The following DYNC1H1 variants were observed in gnomAD, a reference collection of about 807,000 sequenced individuals.
DYNC1H1 encodes dynein cytoplasmic 1 heavy chain 1.
In DYNC1H1, 51 loss-of-function variants were observed where a neutral mutation model predicts 527.1. The ratio of observed to expected loss-of-function variants is 0.10; its 90% confidence interval spans 0.08 to 0.12. The LOEUF (loss-of-function observed/expected upper bound fraction) is 0.12. DYNC1H1 is among the 10% of genes least tolerant of loss of function. DYNC1H1 has a pLI of 1.00. For missense variants in DYNC1H1, 2,771 were observed against 5,971.8 expected, an observed-to-expected ratio of 0.46 and a Z score of 17.66; for synonymous variants, 2,189 against 2,278.8, an observed-to-expected ratio of 0.96 and a Z score of 1.12.
chr14:101,971,374 G>A (rs865829527), intron 1 of DYNC1H1, among the ~76,000 whole-genome samples: 2 of 152,020 alleles, frequency 1.3e-5, no homozygotes, highest in East Asian at 2.0e-4. Flanking sequence ...GGGCCCAGTC[G>A]AGGGTGGTAT....
intron 57 of DYNC1H1, chr14:102,037,331 G>A (rs1288670931): frequency 6.6e-6 from 1 of 151,528 alleles, no homozygotes; most frequent in East Asian, 1.9e-4. Flanking sequence ...GGCTGAGGCA[G>A]GAAAATTGCT....
chr14:102,049,416 G>A lies in DYNC1H1; in HGVS notation c.13373-24G>A, dbSNP rs1220122799. 3 of 1,613,454 alleles carry A rather than the reference G, an allele frequency of 1.9e-6. No individual in the cohort carries two copies. The highest frequency in any genetic ancestry group is 2.7e-5 in the African/African-American group (2 of 74,918). ...GGGGAGTTGTGAGAGCTGACACCCT[G>A]GGCTCTGTGTGCCTTGGCTGCAGGG... On this transcript the variant is annotated intron_variant, in intron 74 of 77. Transcript: ENST00000360184. The surrounding 1 kb of genome is among the most constrained non-coding windows in gnomAD (Gnocchi z 5.5).
At position 101,964,686 on chromosome 14, in the gene DYNC1H1, G is replaced by A. The variant is rs2047641671; in HGVS notation, c.-6G>A. ...ATCGCTCCTGGAAGGTCCCGAGCGC[G>A]ACACCATGTCGGAGCCCGGGGGCGG... On this transcript the variant is annotated 5_prime_UTR_variant, in exon 1 of 78. Coordinates refer to ENST00000360184, the MANE Select transcript of DYNC1H1 (RefSeq NM_001376.5). This position sits in a 1 kb window ranked among gnomAD's most constrained non-coding sequence, Gnocchi z 5.5. The A allele has an allele frequency of 5.0e-6, 8 of 1,586,708 alleles. No homozygotes were observed. Among genetic ancestry groups the A allele is most frequent in the African/African-American group, 1.3e-5 (1 of 74,592 alleles).
At position 101,991,961 on chromosome 14, in the gene DYNC1H1, TA is replaced by T. The variant is rs2048003700; in HGVS notation, c.3015+289del. On this transcript the variant is annotated intron_variant, in intron 11 of 77. Transcript: ENST00000360184. Reference sequence around the variant, plus strand: ...CTCCTCCCCACCCCCCACTTTTTATTAGGGGAATTTTAAAACATACACAAAA... The same window carrying T: ...CTCCTCCCCACCCCCCACTTTTTATTGGGGAATTTTAAAACATACACAAAA... Among the ~76,000 whole-genome samples, 2 of 137,534 alleles carry T rather than the reference TA, an allele frequency of 1.5e-5. 1 individual carries two copies. Among genetic ancestry groups the T allele is most frequent in the South Asian group, 5.5e-4 (2 of 3,612 alleles). 90.2% of individuals were successfully genotyped at this position (137,534 alleles called of 152,430 possible). A position where few individuals can be genotyped will look rare whatever the true frequency, so the allele number is the denominator to read the frequency against.
At chr14:102,030,428 T>A in intron 51 of DYNC1H1, 146 bp downstream of exon 51, 1 of 1,205,912 alleles carries the variant, frequency 8.3e-7, no homozygotes, top group South Asian at 1.4e-5. Context: ...ATCTGAAGCT[T>A]TTTCTGAATG....
At chr14:102,014,998 ATTAAGT>A in intron 34 of DYNC1H1, 101 bp from the exon 35 acceptor site, 8 of 1,339,630 alleles carry the variant, frequency 6.0e-6, no homozygotes, top group Non-Finnish European at 8.4e-6. Context: ...GTATAGGAAA[ATTAAGT>A]TTAAAGTCAC....
In DYNC1H1 at chr14:102,027,641, A is replaced by G. The variant is rs768209680; in HGVS notation, c.9071A>G (p.Asp3024Gly). 2 of 1,614,032 alleles carry G rather than the reference A, an allele frequency of 1.2e-6. No individual in the cohort carries two copies. Among genetic ancestry groups the G allele is most frequent in the East Asian group, 4.5e-5 (2 of 44,864 alleles). The change falls in exon 47 of 78, where the codon GAC (aspartate) becomes GGC (glycine). Residue 3024 changes from aspartate (D) to glycine (G), a missense_variant. Asp to Gly is a moderately conservative substitution (Grantham distance 94). Transcript: ENST00000360184. The surrounding 1 kb of genome is among the most constrained non-coding windows in gnomAD (Gnocchi z 7.7). ...CAGGTGCCTGGTCTCTTTGAAGGAGACGAGTATGCCACCTTGATGACGCAG... is the reference window on the plus strand; with the variant it reads ...CAGGTGCCTGGTCTCTTTGAAGGAGGCGAGTATGCCACCTTGATGACGCAG... ...NGEVPGLFEG[D>G]EYATLMTQCK...
Position 102,027,116 on chromosome 14 carries a change from C to T in DYNC1H1, c.8772-58C>T, listed in dbSNP as rs2048459744. 2 of 1,559,100 alleles carry T rather than the reference C, an allele frequency of 1.3e-6. No individual in the cohort carries two copies. Among genetic ancestry groups the T allele is most frequent in the Middle Eastern group, 1.8e-4 (1 of 5,700 alleles). ...AATACTGTAGACACTAGATATGAGT[C>T]AAAAGGGGAATGAGGCATTATAAGC... On this transcript the variant is annotated intron_variant, in intron 44 of 77. Transcript: ENST00000360184. This position sits in a 1 kb window ranked among gnomAD's most constrained non-coding sequence, Gnocchi z 7.7.
chr14:102,048,797 G>C, intron 74 of DYNC1H1, 128 bp downstream of exon 74: 1 of 783,326 alleles, frequency 1.3e-6, no homozygotes, highest in Non-Finnish European at 1.9e-6. Flanking sequence ...GAGCAGCTCT[G>C]TGCTCTTACC....
intron 1 of DYNC1H1, among the ~76,000 whole-genome samples, chr14:101,975,119 A>C (rs1167451534): frequency 6.6e-6 from 1 of 152,186 alleles, no homozygotes; most frequent in African/African-American, 2.4e-5. Flanking sequence ...GGACTTCGGA[A>C]TCACAAACTT....
rs573184526 is a variant in DYNC1H1, at chr14:102,044,201, G to A, written c.12685-73G>A. On this transcript the variant is annotated intron_variant, in intron 70 of 77. Coordinates refer to ENST00000360184, the MANE Select transcript of DYNC1H1 (RefSeq NM_001376.5). The surrounding 1 kb of genome is among the most constrained non-coding windows in gnomAD (Gnocchi z 7.1). ...GCCATGGGGAGTGAGGAGGAAAGCTGTGCCCCTCGAAAGGAAGCCCCGGGC... is the reference window on the plus strand; with the variant it reads ...GCCATGGGGAGTGAGGAGGAAAGCTATGCCCCTCGAAAGGAAGCCCCGGGC... 1.2e-3 allele frequency: 1,969 copies of A among 1,595,144 alleles called. 4 individuals are homozygous for A. Among genetic ancestry groups the A allele is most frequent in the Admixed American group, 1.8e-3 (107 of 58,482 alleles).
Position 102,012,511 on chromosome 14 carries a change from T to A in DYNC1H1, c.7014+41T>A, listed in dbSNP as rs769522455. The A allele has an allele frequency of 1.2e-6, 2 of 1,613,916 alleles. No homozygotes were observed. Among genetic ancestry groups the A allele is most frequent in the Non-Finnish European group, 1.7e-6 (2 of 1,180,006 alleles). On this transcript the variant is annotated intron_variant, in intron 34 of 77. Coordinates refer to ENST00000360184, the MANE Select transcript of DYNC1H1 (RefSeq NM_001376.5). This position sits in a 1 kb window ranked among gnomAD's most constrained non-coding sequence, Gnocchi z 4.9. ...TATGTCGTCAACTGAATAATTCCTT[T>A]TGGCCAACTAAACTTCGTGTGCTAG...
At chr14:102,048,165 T>G in intron 73 of DYNC1H1, 137 bp downstream of exon 73, 1 of 1,171,742 alleles carries the variant, frequency 8.5e-7, no homozygotes, top group East Asian at 2.6e-5. Flanking sequence ...TCAGAGCAGG[T>G]GTCCAGCTGA....
chr14:102,017,494 C>T lies in DYNC1H1; in HGVS notation c.8167C>T (p.Leu2723Phe), dbSNP rs1364651047. The T allele has an allele frequency of 6.2e-7, 1 of 1,614,162 alleles. No individual in the cohort carries two copies. The highest frequency in any genetic ancestry group is 2.2e-5 in the East Asian group (1 of 44,882). ...CCCCACAGACCCTGGAAGAAAGCCC[C>T]TCTCACACAGGTAAAACAGCTCGGT... ...NPPTDPGRKP[L>F]SHRFLRHVPV... Residue 2723 changes from leucine (L) to phenylalanine (F), a missense_variant, in exon 40 of 78, where the codon CTC becomes TTC. Around this residue, in one of 32 missense-constraint regions of DYNC1H1, gnomAD observed 163 missense variants for 346.9 expected, o/e 0.47. Transcript: ENST00000360184. The surrounding 1 kb of genome is among the most constrained non-coding windows in gnomAD (Gnocchi z 4.6).
rs1230024384 is a variant in DYNC1H1, at chr14:101,986,430, G to A, written c.2205G>A (p.Leu735=). Residue 735 remains leucine (L), a synonymous_variant, in exon 8 of 78, where the codon CTG becomes CTA. Transcript: ENST00000360184. This position sits in a 1 kb window ranked among gnomAD's most constrained non-coding sequence, Gnocchi z 8.7. ...GCCGAACTGGAAATGTGCTTAAGCT[G>A]AAAGTTAACTTTCTTCCTGAGATTA... The part of the protein sequence containing the change: ...VRGRTGNVLK[L]KVNFLPEIIT... The A allele has an allele frequency of 6.2e-7, 1 of 1,614,050 alleles. No individual in the cohort carries two copies. The highest frequency in any genetic ancestry group is 8.5e-7 in the Non-Finnish European group (1 of 1,180,054).
chr14:102,027,985 G>T lies in DYNC1H1; in HGVS notation c.9312G>T (p.Gln3104His). 6.2e-7 allele frequency: 1 copy of T among 1,614,184 alleles called. No homozygotes were observed. Residue 3104 changes from glutamine (Q) to histidine (H), a missense_variant, in exon 48 of 78, where the codon CAG becomes CAT. Gln to His is a conservative substitution (Grantham distance 24). Coordinates refer to ENST00000360184, the MANE Select transcript of DYNC1H1 (RefSeq NM_001376.5). This position sits in a 1 kb window ranked among gnomAD's most constrained non-coding sequence, Gnocchi z 7.7. ...ACTGGTCCACCGAAGCACTGTATCA[G>T]GTTGGCAAAGAATTCACAAGTAAGA... Reference protein sequence around the residue: ...FGDWSTEALYQVGKEFTSKMD... With the variant: ...FGDWSTEALYHVGKEFTSKMD...
At chr14:102,035,165 G>C (rs1234868086) in intron 56 of DYNC1H1, 1 of 153,810 alleles carries the variant, frequency 6.5e-6, no homozygotes, top group African/African-American at 2.4e-5. Context: ...GGGAGGCAGA[G>C]GTTGCAGCAA....
chr14:102,024,612 A>G (rs1053406642), intron 43 of DYNC1H1, among the ~76,000 whole-genome samples: 9 of 151,086 alleles, frequency 6.0e-5, no homozygotes, highest in Admixed American at 2.6e-4. Flanking sequence ...AGAATTTTCT[A>G]TATATTTTAA....
rs764222189 is a variant in DYNC1H1 at position 101,980,417 on chromosome 14, T to C, written c.828T>C (p.Ser276=). 9.3e-6 allele frequency: 15 copies of C among 1,614,230 alleles called. No homozygotes were observed. The highest frequency in any genetic ancestry group is 1.3e-5 in the Non-Finnish European group (15 of 1,180,042). The change falls in exon 5 of 78, where the codon AGT becomes AGC. Residue 276 remains serine, a synonymous_variant. Transcript: ENST00000360184. ...CAGGAACTGCCTTACAGGAAATTAG[T>C]TTTTGGCTAAACTTGGAACGTGCGT... ...PASGTALQEI[S]FWLNLERALY...
Sources: gnomAD v4.1 joint callset for allele counts (sites outside exome capture counted in the v4.1 genomes callset) on GRCh38, gnomAD v4.1.1 for gene constraint, gnomAD v4.1.1 regional missense constraint, Gnocchi (gnomAD v3.1) non-coding constraint, MANE v1.5 for transcripts, NCBI Gene and HGNC (gene_info 2026-07-23, HGNC 2026-07-21) for gene names.